YES1: variants seen among roughly 807,000 people sequenced by gnomAD.
YES1 encodes the protein tyrosine-protein kinase Yes.
Under a neutral mutation model 70.4 loss-of-function variants are expected in YES1, and 39 were observed. The observed-to-expected ratio is 0.55, with a 90% CI of 0.43 to 0.72. YES1 has a LOEUF of 0.72. Ranked by LOEUF, YES1 falls within the 30% of genes least tolerant of loss-of-function variation. YES1 has a pLI of 0.00. For synonymous variants in YES1, 198 were observed against 218.6 expected (o/e 0.91, Z 0.83); for missense variants, 495 against 644.8 (o/e 0.77, Z 2.52).
At chr18:729,882 C>T (rs866984281) in intron 11 of YES1, among the ~76,000 whole-genome samples, 2 of 152,152 alleles carry the variant, frequency 1.3e-5, no homozygotes, top group Non-Finnish European at 2.9e-5. Flanking sequence ...GCCTTGGCTT[C>T]CCAATGTGTT....
chr18:748,065 A>C lies in YES1; in HGVS notation c.372-47T>G, dbSNP rs199738990. 3.6e-4 allele frequency: 543 copies of C among 1,525,024 alleles called. 1 individual carries two copies. Among genetic ancestry groups the C allele is most frequent in the Non-Finnish European group, 4.5e-4 (493 of 1,100,368 alleles). 94.5% of individuals were successfully genotyped at this position (1,525,024 alleles called of 1,614,324 possible). A position where few individuals can be genotyped will look rare whatever the true frequency, so the allele number is the denominator to read the frequency against. ...TCACCGCAAGGTAGACTATTGCCCA[A>C]GGTACAATATATTGCAGTGCTATCT... On this transcript the variant is annotated intron_variant, in intron 3 of 11. Coordinates refer to ENST00000314574, the MANE Select transcript of YES1 (RefSeq NM_005433.4).
At chr18:801,957 A>AC (rs138219628) in intron 1 of YES1, among the ~76,000 whole-genome samples, 22,687 of 152,218 alleles carry the variant, frequency 0.15, 2,066 homozygotes, top group Non-Finnish European at 0.2. Flanking sequence ...TCCATTACAA[A>AC]CCCCAACTTA....
intron 3 of YES1, among the ~76,000 whole-genome samples, chr18:749,674 T>C (rs2080321011): frequency 6.6e-6 from 1 of 151,232 alleles, no homozygotes; most frequent in Non-Finnish European, 1.5e-5. Flanking sequence ...GCTAACACGG[T>C]GAAACCCCGT....
At chr18:787,469 G>A (rs1285427364) in intron 1 of YES1, among the ~76,000 whole-genome samples, 4 of 151,880 alleles carry the variant, frequency 2.6e-5, no homozygotes, top group South Asian at 2.1e-4. Flanking sequence ...CAGCAATTTC[G>A]GAGGCCAAGC....
At chr18:780,668 C>G (rs1905613243) in intron 1 of YES1, among the ~76,000 whole-genome samples, 1 of 152,134 alleles carries the variant, frequency 6.6e-6, no homozygotes, top group South Asian at 2.1e-4. Flanking sequence ...AATTGGTCAC[C>G]AGGACCTGAC....
chr18:791,142 C>T (rs1299281885), intron 1 of YES1, among the ~76,000 whole-genome samples: 3 of 150,688 alleles, frequency 2.0e-5, no homozygotes, highest in Non-Finnish European at 4.4e-5. Flanking sequence ...CCCAGCTTCT[C>T]GGGAGGCTGA....
At chr18:786,419 C>A (rs1905942853) in intron 1 of YES1, among the ~76,000 whole-genome samples, 1 of 151,412 alleles carries the variant, frequency 6.6e-6, no homozygotes, top group Non-Finnish European at 1.5e-5. Flanking sequence ...AAAATAGAAT[C>A]TTTGTCTATT....
chr18:763,119 G>C (rs1904678919), intron 1 of YES1, among the ~76,000 whole-genome samples: 1 of 152,114 alleles, frequency 6.6e-6, no homozygotes, highest in East Asian at 1.9e-4. Context: ...GTTCATTTTA[G>C]GAACAGAAAA....
intron 1 of YES1, among the ~76,000 whole-genome samples, chr18:789,950 T>C (rs1217797744): frequency 6.6e-6 from 1 of 152,108 alleles, no homozygotes; most frequent in Non-Finnish European, 1.5e-5. Context: ...TCCCAGCTAC[T>C]TGGAGGCTGA....
intron 1 of YES1, among the ~76,000 whole-genome samples, chr18:781,426 C>T (rs1905664112): frequency 6.6e-6 from 1 of 151,980 alleles, no homozygotes; most frequent in South Asian, 2.1e-4. Context: ...GACTACTCAA[C>T]CTTCAGGTCT....
chr18:739,138 T>G (rs771910366), intron 9 of YES1: 1 of 152,208 alleles, frequency 6.6e-6, no homozygotes, highest in Non-Finnish European at 1.5e-5. Context: ...AAACATCTAT[T>G]TTCTAAGAAA....
At chr18:739,239 C>T (rs545233421) in intron 9 of YES1, 1 of 152,344 alleles carries the variant, frequency 6.6e-6, no homozygotes, top group Non-Finnish European at 1.5e-5. Flanking sequence ...ATTTTAGATA[C>T]CTCTCATCTT....
intron 1 of YES1, among the ~76,000 whole-genome samples, chr18:793,637 T>C (rs116447670): frequency 0.015 from 2,240 of 152,268 alleles, 62 homozygotes; most frequent in African/African-American, 0.052. Flanking sequence ...GTGTCTGACC[T>C]GCATGATCCC....
chr18:724,667 G>A (rs1279238944), intron 11 of YES1, 35 bp from the exon 12 acceptor site: 1 of 1,567,982 alleles, frequency 6.4e-7, no homozygotes, highest in Admixed American at 1.7e-5. Context: ...AAGAACAATG[G>A]TCCTAACTAC....
At chr18:728,482 GTGT>G (rs915743862) in intron 11 of YES1, among the ~76,000 whole-genome samples, 2 of 152,274 alleles carry the variant, frequency 1.3e-5, no homozygotes, top group South Asian at 2.1e-4. Context: ...TTTTCCATTT[GTGT>G]TGTTATGTCA....
At chr18:772,091 C>T (rs1044309499) in intron 1 of YES1, among the ~76,000 whole-genome samples, 1 of 152,030 alleles carries the variant, frequency 6.6e-6, no homozygotes, top group Non-Finnish European at 1.5e-5. Context: ...TGCAATGCCA[C>T]GATCTCGGCT....
rs1000451129 is a variant in YES1 at position 787,400 on chromosome 18, T to C, written c.-9+24714A>G. Among the ~76,000 whole-genome samples the C allele has an allele frequency of 3.3e-5, 5 of 151,928 alleles. No individual in the cohort carries two copies. In the East Asian group the frequency reaches 9.8e-4, roughly 30 times the overall value. ...GGCATGAGCCACCGCGCCCAGCTGA[T>C]ACATACTGTATTTAAAAAAATTTGT... On this transcript the variant is annotated intron_variant, in intron 1 of 11. Transcript: ENST00000314574.
rs374164158 is a variant in YES1 at position 792,527 on chromosome 18, ATCTC to A, written c.-9+19583_-9+19586del. 4.4e-3 allele frequency among the ~76,000 whole-genome samples: 509 copies of A among 115,326 alleles called. 2 individuals carry two copies. The highest frequency in any genetic ancestry group is 0.034 in the East Asian group (151 of 4,382). 75.7% of individuals were successfully genotyped at this position (115,326 alleles called of 152,430 possible). On this transcript the variant is annotated intron_variant, in intron 1 of 11. Transcript: ENST00000314574. ...AGCCTCAGAAACACACTGAGACTCC[ATCTC>A]TCTCTCTCTCTCTCTCTCTCTCTCC...
At position 779,228 on chromosome 18, in the gene YES1, C is replaced by T. The variant is rs575253095; in HGVS notation, c.-8-22393G>A. On this transcript the variant is annotated intron_variant, in intron 1 of 11. Coordinates refer to ENST00000314574, the MANE Select transcript of YES1 (RefSeq NM_005433.4). ...ACCAGCCTGGGCAACAAAAGGAGAC[C>T]CCCGTCCCGGCAAAAAATTTTTTAA... Among the ~76,000 whole-genome samples, 6 of 151,752 alleles carry T rather than the reference C, an allele frequency of 4.0e-5. No individual in the cohort carries two copies. The South Asian group carries it at 1.3e-3, about 32-fold the overall frequency.
Sources: allele counts gnomAD v4.1 joint callset (sites outside exome capture counted in the v4.1 genomes callset), GRCh38; gene constraint gnomAD v4.1.1; transcripts MANE v1.5; gene names NCBI Gene and HGNC (gene_info 2026-07-23, HGNC 2026-07-21).